The following NETO1 variants were observed in gnomAD, a reference collection of about 807,000 sequenced individuals.
NETO1 encodes neuropilin and tolloid-like protein 1.
In NETO1, 26 loss-of-function variants were observed where a neutral mutation model predicts 61.3. That is an observed-to-expected ratio of 0.42 (90% CI 0.31 to 0.59). The LOEUF (loss-of-function observed/expected upper bound fraction) is 0.59. Among genes scored for constraint, NETO1 ranks in the 20% least tolerant of loss-of-function variants. The probability of loss-of-function intolerance (pLI) is 0.12; values close to 1 mark genes in which losing one functional copy is unlikely to be tolerated. For missense variants in NETO1, 531 were observed against 662.8 expected (o/e 0.80, Z 2.18); for synonymous variants, 225 against 225.8 (o/e 1.00, Z 0.03).
At chr18:72,790,187 A>T (rs1232825825) in intron 6 of NETO1, among the ~76,000 whole-genome samples, 1 of 152,164 alleles carries the variant, frequency 6.6e-6, no homozygotes, top group Non-Finnish European at 1.5e-5. Flanking sequence ...TATTTTATAC[A>T]TATTTTGACT....
chr18:72,799,413 C>T (rs1451814226), intron 4 of NETO1, among the ~76,000 whole-genome samples: 1 of 152,188 alleles, frequency 6.6e-6, no homozygotes, highest in African/African-American at 2.4e-5. Context: ...ACCAACATCA[C>T]AGCTAGAGAA....
At chr18:72,833,859 T>G (rs1262615582) in intron 4 of NETO1, among the ~76,000 whole-genome samples, 1 of 152,214 alleles carries the variant, frequency 6.6e-6, no homozygotes, top group Non-Finnish European at 1.5e-5. Context: ...AAATAGCTGG[T>G]GTAGCATCCC....
rs933463627 is a variant in NETO1 at position 72,743,777 on chromosome 18, T to C, written c.*4402A>G. The C allele has an allele frequency of 3.3e-5, 5 of 152,156 alleles. No individual in the cohort carries two copies. The highest frequency in any genetic ancestry group is 2.6e-4 in the Admixed American group (4 of 15,266). 9.4% of individuals were successfully genotyped at this position (152,156 alleles called of 1,614,324 possible). ...TTGATAATGTGATATAAAAAGAATG[T>C]TTTATTTTAAATAATTTATACATTG... On this transcript the variant is annotated 3_prime_UTR_variant, in exon 11 of 11. Transcript: ENST00000327305.
chr18:72,849,982 C>G (rs1323491455), intron 4 of NETO1, among the ~76,000 whole-genome samples: 1 of 152,214 alleles, frequency 6.6e-6, no homozygotes, highest in African/African-American at 2.4e-5. Context: ...ACTGAGAAAG[C>G]CTTGTAATTA....
At chr18:72,808,336 C>T (rs1476701866) in intron 4 of NETO1, among the ~76,000 whole-genome samples, 2 of 151,980 alleles carry the variant, frequency 1.3e-5, no homozygotes, top group Non-Finnish European at 2.9e-5. Context: ...GGGACCCAGG[C>T]TTACAAGCGT....
In NETO1 at chr18:72,847,704, C is replaced by G. The variant is rs150602055; in HGVS notation, c.469+11122G>C. 1.9e-3 allele frequency among the ~76,000 whole-genome samples: 292 copies of G among 152,270 alleles called. 1 individual carries two copies. Among genetic ancestry groups the G allele is most frequent in the Middle Eastern group, 6.8e-3 (2 of 294 alleles). On this transcript the variant is annotated intron_variant, in intron 4 of 10. Transcript: ENST00000327305. ...AATCTAAGTGTAGGAAAGTCCAGAA[C>G]GGAGAACTGTGTATCCTGCATTTGG...
chr18:72,780,107 T>G (rs952425490), intron 7 of NETO1, among the ~76,000 whole-genome samples: 11 of 152,174 alleles, frequency 7.2e-5, no homozygotes, highest in African/African-American at 2.7e-4. Context: ...CAGGAATTTT[T>G]GAAGGGGCGC....
chr18:72,847,417 T>C (rs956664603), intron 4 of NETO1, among the ~76,000 whole-genome samples: 2 of 152,144 alleles, frequency 1.3e-5, no homozygotes, highest in African/African-American at 4.8e-5. Flanking sequence ...GCTGAGCAAG[T>C]GAGAACAGAC....
intron 4 of NETO1, among the ~76,000 whole-genome samples, chr18:72,796,171 G>A (rs533027063): frequency 6.6e-6 from 1 of 152,326 alleles, no homozygotes; most frequent in African/African-American, 2.4e-5. Flanking sequence ...AAGACTACGT[G>A]TGCTAATATG....
At chr18:72,807,026 A>T (rs2056369778) in intron 4 of NETO1, among the ~76,000 whole-genome samples, 3 of 152,222 alleles carry the variant, frequency 2.0e-5, no homozygotes, top group Admixed American at 1.3e-4. Flanking sequence ...CATTTTAAAT[A>T]TCAATGGCAG....
rs140143363 is a variant in NETO1 at position 72,799,551 on chromosome 18, G to A, written c.470-5147C>T. On this transcript the variant is annotated intron_variant, in intron 4 of 10. Transcript: ENST00000327305. ...TGTTTCCCTACCTTGGTCAAAGGTA[G>A]GGAATGTGAGTCTATGCACTGTGTC... is the stretch of plus-strand genomic sequence containing the variant. 3.1e-3 allele frequency among the ~76,000 whole-genome samples: 475 copies of A among 152,348 alleles called. 3 individuals carry two copies. Among genetic ancestry groups the A allele is most frequent in the Middle Eastern group, 0.01 (3 of 294 alleles).
chr18:72,838,673 T>C (rs1317092795), intron 4 of NETO1, among the ~76,000 whole-genome samples: 1 of 152,232 alleles, frequency 6.6e-6, no homozygotes, highest in African/African-American at 2.4e-5. Flanking sequence ...ACTGTTCCAG[T>C]GCATCTTGGT....
intron 7 of NETO1, 28 bp downstream of exon 7, chr18:72,783,649 GA>G: frequency 6.3e-7 from 1 of 1,599,260 alleles, no homozygotes; most frequent in South Asian, 1.1e-5. Flanking sequence ...ATATACGAAG[GA>G]AAAATAGTCA....
chr18:72,776,121 T>A (rs183330860), intron 7 of NETO1, among the ~76,000 whole-genome samples: 44 of 152,278 alleles, frequency 2.9e-4, no homozygotes, highest in African/African-American at 1.0e-3. Context: ...TGGCCCTGGC[T>A]TTGGGCGAGG....
At chr18:72,770,227 T>C (rs192461551) in intron 7 of NETO1, among the ~76,000 whole-genome samples, 4 of 152,164 alleles carry the variant, frequency 2.6e-5, no homozygotes, top group Non-Finnish European at 5.9e-5. Context: ...CATTTTCTAT[T>C]AGAATGCTTA....
At chr18:72,823,435 C>A (rs969884979) in intron 4 of NETO1, among the ~76,000 whole-genome samples, 1 of 151,956 alleles carries the variant, frequency 6.6e-6, no homozygotes, top group African/African-American at 2.4e-5. Context: ...ACGTGAGGGA[C>A]CTAAGGGAAG....
chr18:72,785,010 G>C (rs2145235598), intron 6 of NETO1, among the ~76,000 whole-genome samples: 1 of 152,266 alleles, frequency 6.6e-6, no homozygotes, highest in Non-Finnish European at 1.5e-5. Flanking sequence ...CACTTTGAGA[G>C]GGATACCTAG....
chr18:72,850,254 T>C (rs1051394025), intron 4 of NETO1, among the ~76,000 whole-genome samples: 1 of 151,166 alleles, frequency 6.6e-6, no homozygotes, highest in African/African-American at 2.5e-5. Context: ...AGTGTTAGCA[T>C]AGTGGATCAA....
intron 4 of NETO1, among the ~76,000 whole-genome samples, chr18:72,802,257 G>A (rs542655379): frequency 2.6e-5 from 4 of 152,048 alleles, no homozygotes; most frequent in South Asian, 2.1e-4. Context: ...TCATTGAAAT[G>A]TCTCACAGTT....
Sources: allele counts gnomAD v4.1 joint callset (sites outside exome capture counted in the v4.1 genomes callset), GRCh38; gene constraint gnomAD v4.1.1; transcripts MANE v1.5; gene names NCBI Gene and HGNC (gene_info 2026-07-23, HGNC 2026-07-21).